EPN1: variants seen among roughly 807,000 people sequenced by gnomAD.
EPN1 encodes the protein epsin 1, also known as epsin-1.
A neutral mutation model predicts 56.9 loss-of-function variants in EPN1; 25 were observed. That is an observed-to-expected ratio of 0.44 (90% confidence interval 0.32 to 0.61). The LOEUF is 0.61. Ranked by LOEUF, EPN1 falls within the 20% of genes least tolerant of loss-of-function variation. The probability of loss-of-function intolerance (pLI) is 0.05; values close to 1 mark genes in which losing one functional copy is unlikely to be tolerated. For missense variants in EPN1, 785 were observed against 823.7 expected, an observed-to-expected ratio of 0.95 and a Z score of 0.58; for synonymous variants, 411 against 361.8, an observed-to-expected ratio of 1.14 and a Z score of -1.54.
rs1369332325 is a variant in EPN1 at position 55,692,642 on chromosome 19, C to T, written c.1067-44C>T. On this transcript the variant is annotated intron_variant, in intron 7 of 10. Coordinates refer to ENST00000270460, the MANE Select transcript of EPN1 (RefSeq NM_001130072.2). ...CAATGGTCCTCCCTAGCCATCTGGGCAGTCAAGGTTGCCAGCCCCTCATGC... is the reference window on the plus strand; with the variant it reads ...CAATGGTCCTCCCTAGCCATCTGGGTAGTCAAGGTTGCCAGCCCCTCATGC... The T allele has an allele frequency of 3.8e-6, 5 of 1,311,518 alleles. No individual in the cohort carries two copies. The Admixed American group carries it at 7.6e-5, about 20-fold the overall frequency. 81.2% of individuals were successfully genotyped at this position (1,311,518 alleles called of 1,614,324 possible). A position where few individuals can be genotyped will look rare whatever the true frequency, so the allele number is the denominator to read the frequency against.
chr19:55,684,283 G>A (rs537304246), intron 2 of EPN1, among the ~76,000 whole-genome samples: 1 of 152,234 alleles, frequency 6.6e-6, no homozygotes, highest in East Asian at 1.9e-4. Context: ...TCCCCTAGGA[G>A]CCCTGGGTGG....
chr19:55,685,027 T>C (rs1446156641), intron 2 of EPN1, among the ~76,000 whole-genome samples: 1 of 152,236 alleles, frequency 6.6e-6, no homozygotes, highest in Non-Finnish European at 1.5e-5. Context: ...GGAAAACCCA[T>C]AGCCTTCAGG....
rs1161781153 is a variant in EPN1, at chr19:55,699,608, A to G, written c.*4252A>G. On this transcript the variant is annotated 3_prime_UTR_variant, in exon 11 of 11. Coordinates refer to ENST00000270460, the MANE Select transcript of EPN1 (RefSeq NM_001130072.2). ...CGGCTGCTTCTGCACTACAGTGGCA[A>G]TGGTGACATTGAGTGTGGCAGAGAC... 5 of 152,174 alleles carry G rather than the reference A, an allele frequency of 3.3e-5. No homozygotes were observed. The highest frequency in any genetic ancestry group is 1.2e-4 in the African/African-American group (5 of 41,442). The allele number at this position is 152,174 out of a possible 1,614,324, so 9.4% of individuals were successfully genotyped here. A position where few individuals can be genotyped will look rare whatever the true frequency, so the allele number is the denominator to read the frequency against.
At chr19:55,693,869 C>T (rs1986739769) in intron 9 of EPN1, among the ~76,000 whole-genome samples, 1 of 152,084 alleles carries the variant, frequency 6.6e-6, no homozygotes, top group African/African-American at 2.4e-5. Flanking sequence ...TTTTTTGTCC[C>T]ATACAAATGT....
chr19:55,701,649 C>G lies in EPN1; in HGVS notation c.*6293C>G, dbSNP rs558230619. Reference sequence around the variant, plus strand: ...AAATACTGAGCTTTCGGGACCCTGCCTGGCTTGTTCCTGTAAAACGGTCTT... The same window carrying G: ...AAATACTGAGCTTTCGGGACCCTGCGTGGCTTGTTCCTGTAAAACGGTCTT... On this transcript the variant is annotated 3_prime_UTR_variant, in exon 11 of 11. Coordinates refer to ENST00000270460, the MANE Select transcript of EPN1 (RefSeq NM_001130072.2). The G allele has an allele frequency of 2.9e-4, 44 of 152,236 alleles. No individual in the cohort carries two copies. Among genetic ancestry groups the G allele is most frequent in the African/African-American group, 8.7e-4 (36 of 41,518 alleles). 9.4% of individuals were successfully genotyped at this position (152,236 alleles called of 1,614,324 possible). A position where few individuals can be genotyped will look rare whatever the true frequency, so the allele number is the denominator to read the frequency against.
At chr19:55,680,651 T>A (rs1040858529) in intron 2 of EPN1, 6 of 152,364 alleles carry the variant, frequency 3.9e-5, no homozygotes, top group Non-Finnish European at 8.8e-5. Flanking sequence ...TGCTGCGGCA[T>A]GCGCCGATAG....
rs558478763 is a variant in EPN1 at position 55,678,973 on chromosome 19, G to C, written c.228+118G>C. ...GGTTCTCAAGAGGAACTGGAGAAGA[G>C]TAAAATCTCTCTTTTTGTTTAATGA... On this transcript the variant is annotated intron_variant, in intron 2 of 10. Transcript: ENST00000270460. The C allele has an allele frequency of 5.2e-5, 35 of 678,276 alleles. No individual in the cohort carries two copies. In the Middle Eastern group the frequency reaches 1.5e-3, roughly 29 times the overall value. 42.0% of individuals were successfully genotyped at this position (678,276 alleles called of 1,614,324 possible). A position where few individuals can be genotyped will look rare whatever the true frequency, so the allele number is the denominator to read the frequency against.
Position 55,703,745 on chromosome 19 carries a change from C to G in EPN1, c.*8389C>G, listed in dbSNP as rs181592507. 2 of 152,382 alleles carry G rather than the reference C, an allele frequency of 1.3e-5. No homozygotes were observed. Among genetic ancestry groups the G allele is most frequent in the East Asian group, 3.9e-4 (2 of 5,190 alleles). The allele number at this position is 152,382 out of a possible 1,614,324, so 9.4% of individuals were successfully genotyped here. Reference sequence around the variant, plus strand: ...GCCACTAGCCACATGCCACGTAGAACAGTTGAAATGTGGCCAGCATGAGAT... The same window carrying G: ...GCCACTAGCCACATGCCACGTAGAAGAGTTGAAATGTGGCCAGCATGAGAT... On this transcript the variant is annotated 3_prime_UTR_variant, in exon 11 of 11. Transcript: ENST00000270460.
At chr19:55,688,724 A>G (rs911568626) in intron 3 of EPN1, 146 bp from the exon 4 acceptor site, 1 of 1,195,886 alleles carries the variant, frequency 8.4e-7, no homozygotes, top group Non-Finnish European at 1.2e-6. Flanking sequence ...TCCGCCTCTC[A>G]GTCCTAGTCT....
In EPN1 at chr19:55,694,835, A is replaced by G. The variant is rs761832141; in HGVS notation, c.1374A>G (p.Ala458=). The change falls in exon 10 of 11, where the codon GCA becomes GCG. Residue 458 remains alanine (A), a synonymous_variant. Transcript: ENST00000270460. The surrounding 1 kb of genome is among the most constrained non-coding windows in gnomAD (Gnocchi z 4.2). ...LAEAVGSPPP[A]ATPTPTPPTR... ...AGGCTGTGGGCAGCCCCCCACCTGC[A>G]GCCACACCAACTCCCACGCCCCCCA... 1.1e-5 allele frequency: 18 copies of G among 1,610,276 alleles called. No homozygotes were observed. The Middle Eastern group carries it at 5.0e-4, about 45-fold the overall frequency.
rs761897752 is a variant in EPN1, at chr19:55,693,030, C to T, written c.1257C>T (p.Ser419=). ...GCACGGCACTGCCGACCTCCGGGAG[C>T]AGCGCAGGTGAGCCCCTGCCCTCCC... The part of the protein sequence containing the change: ...RLRTALPTSG[S]SAGELELLAG... The change falls in exon 9 of 11, where the codon AGC becomes AGT. Residue 419 remains serine (S), a synonymous_variant. Coordinates refer to ENST00000270460, the MANE Select transcript of EPN1 (RefSeq NM_001130072.2). The T allele has an allele frequency of 1.2e-6, 2 of 1,612,740 alleles. No homozygotes were observed. Among genetic ancestry groups the T allele is most frequent in the African/African-American group, 1.3e-5 (1 of 74,920 alleles).
rs1460003955 is a variant in EPN1 at position 55,706,863 on chromosome 19, A to AC, written c.*11511dup. On this transcript the variant is annotated 3_prime_UTR_variant, in exon 11 of 11. Coordinates refer to ENST00000270460, the MANE Select transcript of EPN1 (RefSeq NM_001130072.2). Reference sequence around the variant, plus strand: ...AGACCAGCCTGGGAAACATAGTGAGACCCCGTCTATACTAAAAAATATTTA... The same window carrying AC: ...AGACCAGCCTGGGAAACATAGTGAGACCCCCGTCTATACTAAAAAATATTTA... The AC allele has an allele frequency of 6.6e-6, 1 of 151,714 alleles. No homozygotes were observed. Among genetic ancestry groups the AC allele is most frequent in the East Asian group, 2.0e-4 (1 of 5,118 alleles). The allele number at this position is 151,714 out of a possible 1,614,324, so 9.4% of individuals were successfully genotyped here.
rs1298484735 is a variant in EPN1 at position 55,695,640 on chromosome 19, C to A, written c.*284C>A. On this transcript the variant is annotated 3_prime_UTR_variant, in exon 11 of 11. Coordinates refer to ENST00000270460, the MANE Select transcript of EPN1 (RefSeq NM_001130072.2). The surrounding 1 kb of genome is among the most constrained non-coding windows in gnomAD (Gnocchi z 4.4). ...CCCACCCATTCCCCCTCCCTCCAAACTCCCAACCCCCAGTCAGTGTTTGAG... is the reference window on the plus strand; with the variant it reads ...CCCACCCATTCCCCCTCCCTCCAAAATCCCAACCCCCAGTCAGTGTTTGAG... 5 of 463,488 alleles carry A rather than the reference C, an allele frequency of 1.1e-5. No homozygotes were observed. The highest frequency in any genetic ancestry group is 3.5e-5 in the South Asian group (1 of 28,280). The allele number at this position is 463,488 out of a possible 1,614,324, so 28.7% of individuals were successfully genotyped here. A position where few individuals can be genotyped will look rare whatever the true frequency, so the allele number is the denominator to read the frequency against.
chr19:55,682,905 T>TGC (rs1985913907), intron 2 of EPN1, among the ~76,000 whole-genome samples: 2 of 151,940 alleles, frequency 1.3e-5, no homozygotes, highest in African/African-American at 2.4e-5. Flanking sequence ...TACAGGTACT[T>TGC]GCCACCACGC....
At chr19:55,690,654 G>A (rs946505630) in intron 6 of EPN1, among the ~76,000 whole-genome samples, 4 of 152,120 alleles carry the variant, frequency 2.6e-5, no homozygotes, top group African/African-American at 4.8e-5. Context: ...TGCTGCTGCC[G>A]CCCCCCAGGA....
intron 2 of EPN1, among the ~76,000 whole-genome samples, chr19:55,683,794 G>C (rs548044301): frequency 7.2e-5 from 11 of 152,372 alleles, no homozygotes; most frequent in Non-Finnish European, 1.3e-4. Flanking sequence ...AGTCCAGAGA[G>C]CTCTGGAAAC....
In EPN1 at chr19:55,685,706, C is replaced by T. The variant is rs556649782; in HGVS notation, c.478+61C>T. ...TCTGTCCTCCGCCTACTGCGGCTCC[C>T]GGCACCCGGCCGCCCACTGCTTTCT... On this transcript the variant is annotated intron_variant, in intron 3 of 10. Coordinates refer to ENST00000270460, the MANE Select transcript of EPN1 (RefSeq NM_001130072.2). 2.0e-4 allele frequency: 304 copies of T among 1,529,966 alleles called. 2 individuals carry two copies. In the South Asian group the frequency reaches 2.9e-3, roughly 14 times the overall value. 94.8% of individuals were successfully genotyped at this position (1,529,966 alleles called of 1,614,324 possible). A position where few individuals can be genotyped will look rare whatever the true frequency, so the allele number is the denominator to read the frequency against.
At chr19:55,683,325 G>T (rs1985951606) in intron 2 of EPN1, among the ~76,000 whole-genome samples, 2 of 152,158 alleles carry the variant, frequency 1.3e-5, no homozygotes, top group African/African-American at 4.8e-5. Flanking sequence ...AAAATGGTAA[G>T]ATTATAGGTG....
rs148173718 is a variant in EPN1 at position 55,685,134 on chromosome 19, G to A, written c.229-262G>A. On this transcript the variant is annotated intron_variant, in intron 2 of 10. Transcript: ENST00000270460. ...CTGGATGATTCACGTCGATGGAACC[G>A]TAGGCTGTGTGGCGTTCTGTGCTGG... Among the ~76,000 whole-genome samples, 1,158 of 152,374 alleles carry A rather than the reference G, an allele frequency of 7.6e-3. 12 individuals are homozygous for A. The highest frequency in any genetic ancestry group is 0.037 in the Middle Eastern group (11 of 294).
Sources: gnomAD v4.1 joint callset for allele counts (sites outside exome capture counted in the v4.1 genomes callset) on GRCh38, gnomAD v4.1.1 for gene constraint, Gnocchi (gnomAD v3.1) non-coding constraint, MANE v1.5 for transcripts, NCBI Gene and HGNC (gene_info 2026-07-23, HGNC 2026-07-21) for gene names.